SLC35D2: variants seen among roughly 807,000 people sequenced by gnomAD.
SLC35D2 encodes the protein nucleotide sugar transporter SLC35D2.
In SLC35D2, 43 loss-of-function variants were observed where a neutral mutation model predicts 41.8. The observed-to-expected ratio is 1.03, with a 90% CI of 0.81 to 1.33. SLC35D2 has a LOEUF of 1.33. Ranked by LOEUF, SLC35D2 falls within the 40% of genes most tolerant of loss-of-function variation. The pLI, the probability that SLC35D2 is intolerant of heterozygous loss-of-function variation, is 0.00. For missense variants in SLC35D2, 380 were observed against 408.4 expected (o/e 0.93, Z 0.60); for synonymous variants, 150 against 163.9 (o/e 0.92, Z 0.65).
At chr9:96,323,744 G>A (rs1188201336) in intron 10 of SLC35D2, among the ~76,000 whole-genome samples, 7 of 151,958 alleles carry the variant, frequency 4.6e-5, no homozygotes, top group Non-Finnish European at 8.8e-5. Context: ...GGCCAACATG[G>A]TGAAACCTGG....
rs1449412806 is a variant in SLC35D2 at position 96,324,186 on chromosome 9, G to A, written c.753-17C>T. The A allele has an allele frequency of 6.2e-7, 1 of 1,605,614 alleles. No individual in the cohort carries two copies. The highest frequency in any genetic ancestry group is 8.5e-7 in the Non-Finnish European group (1 of 1,172,512). On this transcript the variant is annotated splice_polypyrimidine_tract_variant and intron_variant, in intron 9 of 11. Coordinates refer to ENST00000253270, the MANE Select transcript of SLC35D2 (RefSeq NM_007001.3). ...AGCAGAAACCTGTGACAAGGAAGCA[G>A]ACACTGGAGTGTGTGCCTCACTACG...
At chr9:96,382,814 G>GT (rs1303679792) in intron 1 of SLC35D2, among the ~76,000 whole-genome samples, 1 of 152,016 alleles carries the variant, frequency 6.6e-6, no homozygotes, top group Non-Finnish European at 1.5e-5. Flanking sequence ...AATCATTCAG[G>GT]TTTTTTGCAT....
In SLC35D2 at chr9:96,381,725, G is replaced by A. The variant is rs776507783; in HGVS notation, c.158+1752C>T. ...CTTTTCACTTCTCTTTCCCAAGAAC[G>A]GTGGGAAAACACTGTTCTCCTCGAA... On this transcript the variant is annotated intron_variant, in intron 1 of 11. Coordinates refer to ENST00000253270, the MANE Select transcript of SLC35D2 (RefSeq NM_007001.3). Among the ~76,000 whole-genome samples the A allele has an allele frequency of 5.9e-5, 9 of 152,264 alleles. 1 individual carries two copies. In the East Asian group the frequency reaches 1.5e-3, roughly 26 times the overall value.
At chr9:96,348,082 T>C (rs113221979) in intron 6 of SLC35D2, among the ~76,000 whole-genome samples, 3 of 152,288 alleles carry the variant, frequency 2.0e-5, no homozygotes, top group African/African-American at 7.2e-5. Context: ...CTTAATAAAC[T>C]TGCTTTCACG....
intron 1 of SLC35D2, among the ~76,000 whole-genome samples, chr9:96,381,972 A>C (rs1024912957): frequency 6.6e-6 from 1 of 152,050 alleles, no homozygotes; most frequent in African/African-American, 2.4e-5. Flanking sequence ...CTCACATCAG[A>C]TCTGAAAGTG....
At chr9:96,321,663 A>G (rs1259829827) in intron 11 of SLC35D2, among the ~76,000 whole-genome samples, 1 of 152,192 alleles carries the variant, frequency 6.6e-6, no homozygotes. Context: ...AAGCTGGCTT[A>G]GTCCACACCC....
rs2130867706 is a variant in SLC35D2 at position 96,332,951 on chromosome 9, T to C, written c.752+3766A>G. ...GTCTCGCTCTGTCGCGAGGCTGTAG[T>C]ACAGTGGCACGATCTCGGCTCACTG... On this transcript the variant is annotated intron_variant, in intron 9 of 11. Coordinates refer to ENST00000253270, the MANE Select transcript of SLC35D2 (RefSeq NM_007001.3). Among the ~76,000 whole-genome samples, 4 of 150,604 alleles carry C rather than the reference T, an allele frequency of 2.7e-5. 1 individual carries two copies. The Middle Eastern group carries it at 0.01, about 384-fold the overall frequency.
chr9:96,360,716 C>T (rs1292467669), intron 3 of SLC35D2, among the ~76,000 whole-genome samples: 4 of 150,662 alleles, frequency 2.7e-5, no homozygotes, highest in African/African-American at 4.9e-5. Context: ...TAAGATGTCA[C>T]GACACACCCA....
rs1274987067 is a variant in SLC35D2 at position 96,340,389 on chromosome 9, C to T, written c.684+3515G>A. Among the ~76,000 whole-genome samples, 3 of 151,912 alleles carry T rather than the reference C, an allele frequency of 2.0e-5. No individual in the cohort carries two copies. The South Asian group carries it at 6.2e-4, about 32-fold the overall frequency. ...ATTCTAGCATTTTGGAAGGCCGAGG[C>T]GGGCAGATCACGAGGTCAGGAGTTC... On this transcript the variant is annotated intron_variant, in intron 8 of 11. Transcript: ENST00000253270.
intron 2 of SLC35D2, among the ~76,000 whole-genome samples, chr9:96,365,454 TCTCC>T (rs1196529307): frequency 1.3e-5 from 2 of 151,754 alleles, no homozygotes; most frequent in Non-Finnish European, 2.9e-5. Context: ...AAGGGAATGG[TCTCC>T]CTGACAGTGA....
chr9:96,322,336 T>C (rs1413521702), intron 10 of SLC35D2, among the ~76,000 whole-genome samples: 1 of 151,880 alleles, frequency 6.6e-6, no homozygotes, highest in Non-Finnish European at 1.5e-5. Context: ...CTGGGCAACA[T>C]AGTGAGATCC....
intron 1 of SLC35D2, among the ~76,000 whole-genome samples, chr9:96,382,650 G>A (rs1831254060): frequency 6.6e-6 from 1 of 151,998 alleles, no homozygotes; most frequent in Admixed American, 6.6e-5. Context: ...AAAAAAGAAA[G>A]CTGATACTCT....
chr9:96,376,851 C>A (rs1356427951), intron 1 of SLC35D2, among the ~76,000 whole-genome samples: 2 of 151,508 alleles, frequency 1.3e-5, no homozygotes, highest in Admixed American at 6.6e-5. Flanking sequence ...CTCAAGTGAT[C>A]CACCCGCCTC....
intron 2 of SLC35D2, among the ~76,000 whole-genome samples, chr9:96,367,549 G>A (rs1326155156): frequency 6.6e-6 from 1 of 152,164 alleles, no homozygotes; most frequent in Non-Finnish European, 1.5e-5. Context: ...GGGAGGCCAA[G>A]GTGGGTGCGG....
intron 8 of SLC35D2, among the ~76,000 whole-genome samples, chr9:96,341,947 A>AATAT (rs33922006): frequency 3.8e-4 from 57 of 151,046 alleles, no homozygotes; most frequent in African/African-American, 1.3e-3. Context: ...GGAAAAAAAA[A>AATAT]ATATATATAT....
At position 96,351,210 on chromosome 9, in the gene SLC35D2, A is replaced by G. The variant is rs768355699; in HGVS notation, c.420-39T>C. 3.0e-6 allele frequency: 4 copies of G among 1,340,788 alleles called. No homozygotes were observed. In the East Asian group the frequency reaches 6.9e-5, roughly 23 times the overall value. 83.1% of individuals were successfully genotyped at this position (1,340,788 alleles called of 1,614,324 possible). ...ACAAATAAGAAAGGAAAGGGAGCAG[A>G]GAGGAAAACATTGAAATATGATTAT... On this transcript the variant is annotated intron_variant, in intron 5 of 11. Coordinates refer to ENST00000253270, the MANE Select transcript of SLC35D2 (RefSeq NM_007001.3).
intron 9 of SLC35D2, among the ~76,000 whole-genome samples, chr9:96,327,723 G>A (rs1828607622): frequency 6.6e-6 from 1 of 151,436 alleles, no homozygotes; most frequent in Admixed American, 6.6e-5. Flanking sequence ...CCAGGCTCAA[G>A]CAATCCTCCC....
intron 4 of SLC35D2, among the ~76,000 whole-genome samples, chr9:96,353,705 A>G (rs1190939571): frequency 2.0e-5 from 3 of 152,194 alleles, no homozygotes; most frequent in African/African-American, 7.2e-5. Flanking sequence ...TTCTTCCCCA[A>G]ATTTTATGTA....
exon 12 of SLC35D2, chr9:96,313,962 T>C (rs1262771453): frequency 6.6e-6 from 1 of 152,514 alleles, no homozygotes; most frequent in African/African-American, 2.4e-5. Flanking sequence ...TCAGCTGCAC[T>C]CACCAGGAAT....
Sources: allele counts gnomAD v4.1 joint callset (sites outside exome capture counted in the v4.1 genomes callset), GRCh38; gene constraint gnomAD v4.1.1; transcripts MANE v1.5; gene names NCBI Gene and HGNC (gene_info 2026-07-23, HGNC 2026-07-21).